CASS4: variants seen among roughly 807,000 people sequenced by gnomAD.
The protein encoded by CASS4 is cas scaffolding protein family member 4.
A neutral mutation model predicts 54.2 loss-of-function variants in CASS4; 22 were observed. The observed-to-expected ratio is 0.41, with a 90% CI of 0.29 to 0.58. The LOEUF (loss-of-function observed/expected upper bound fraction) is 0.58, where lower values mean the gene tolerates loss of function less well. Ranked by LOEUF, CASS4 falls within the 20% of genes least tolerant of loss-of-function variation. The pLI is 0.36. For synonymous variants in CASS4, 409 were observed against 391.5 expected, an observed-to-expected ratio of 1.04 and a Z score of -0.53; for missense variants, 854 against 986.7, an observed-to-expected ratio of 0.87 and a Z score of 1.80.
intron 2 of CASS4, among the ~76,000 whole-genome samples, chr20:56,440,339 G>A (rs1441333831): frequency 6.6e-6 from 1 of 152,178 alleles, no homozygotes; most frequent in Non-Finnish European, 1.5e-5. Flanking sequence ...ATTAACTGAA[G>A]TTAACTTGAA....
At chr20:56,440,616 A>G (rs1012969014) in intron 2 of CASS4, among the ~76,000 whole-genome samples, 2 of 152,202 alleles carry the variant, frequency 1.3e-5, no homozygotes, top group African/African-American at 2.4e-5. Context: ...AACACAACAC[A>G]AGGTTTCAAA....
At chr20:56,458,014 CAAAA>C (rs11355939) in intron 5 of CASS4, among the ~76,000 whole-genome samples, 1 of 76,530 alleles carries the variant, frequency 1.3e-5, no homozygotes, top group African/African-American at 5.7e-5. Context: ...AACTCTGTCT[CAAAA>C]AAAAAAAAAA....
At chr20:56,442,073 C>T (rs1252430988) in intron 2 of CASS4, among the ~76,000 whole-genome samples, 1 of 149,070 alleles carries the variant, frequency 6.7e-6, no homozygotes, top group Non-Finnish European at 1.5e-5. Context: ...GGGTTTTGAA[C>T]TGTTTTCCCA....
chr20:56,413,166 A>T (rs115434949), intron 1 of CASS4, among the ~76,000 whole-genome samples: 2 of 150,384 alleles, frequency 1.3e-5, no homozygotes, highest in African/African-American at 2.5e-5. Context: ...GCGAGACCCC[A>T]TCTTAAAAAA....
chr20:56,424,291 TTAATC>T (rs1401742563), intron 1 of CASS4, among the ~76,000 whole-genome samples: 1 of 152,220 alleles, frequency 6.6e-6, no homozygotes, highest in African/African-American at 2.4e-5. Flanking sequence ...AAGAGATAGT[TTAATC>T]TACCTGCAAA....
rs1600759647 is a variant in CASS4 at position 56,437,113 on chromosome 20, C to A, written c.37-51C>A. 1 of 1,454,366 alleles carries A rather than the reference C, an allele frequency of 6.9e-7. No homozygotes were observed. The highest frequency in any genetic ancestry group is 1.4e-5 in the South Asian group (1 of 73,240). 90.1% of individuals were successfully genotyped at this position (1,454,366 alleles called of 1,614,324 possible). A position where few individuals can be genotyped will look rare whatever the true frequency, so the allele number is the denominator to read the frequency against. ...AAGAGAGTGGGATTGGAGTAGCAGT[C>A]ACTGGCCACGGTGCTAACTGCAAAT... On this transcript the variant is annotated intron_variant, in intron 1 of 5. Coordinates refer to ENST00000679887, the MANE Select transcript of CASS4 (RefSeq NM_020356.4). This position sits in a 1 kb window ranked among gnomAD's most constrained non-coding sequence, Gnocchi z 4.7.
At position 56,452,715 on chromosome 20, in the gene CASS4, G is replaced by C; in HGVS notation, c.1539G>C (p.Gln513His). 1 of 1,614,138 alleles carries C rather than the reference G, an allele frequency of 6.2e-7. No individual in the cohort carries two copies. The highest frequency in any genetic ancestry group is 8.5e-7 in the Non-Finnish European group (1 of 1,180,018). ...TACNLTDSNLQNRIRDQMQTI... is the reference protein window; with the variant it reads ...TACNLTDSNLHNRIRDQMQTI... ...GTAACCTCACTGACAGTAACCTTCAGAACAGAATTCGGGACCAGATGCAGA... is the reference window on the plus strand; with the variant it reads ...GTAACCTCACTGACAGTAACCTTCACAACAGAATTCGGGACCAGATGCAGA... Residue 513 changes from glutamine to histidine, a missense_variant, in exon 5 of 6, where the codon CAG (glutamine) becomes CAC (histidine). Physicochemically the swap from Gln to His is conservative, Grantham distance 24. Coordinates refer to ENST00000679887, the MANE Select transcript of CASS4 (RefSeq NM_020356.4).
In CASS4 at chr20:56,458,674, C is replaced by A; in HGVS notation, c.2288C>A (p.Ala763Glu). 1 of 1,612,862 alleles carries A rather than the reference C, an allele frequency of 6.2e-7. No individual in the cohort carries two copies. Among genetic ancestry groups the A allele is most frequent in the African/African-American group, 1.3e-5 (1 of 75,038 alleles). ...NAVLTYPSPA[A>E]LGHLQAEAEK... ...GTGCTCACGTACCCCAGCCCTGCCG[C>A]GCTGGGGCACCTCCAGGCGGAGGCT... Residue 763 changes from alanine (A) to glutamate (E), a missense_variant, in exon 6 of 6, where the codon GCG becomes GAG. Coordinates refer to ENST00000679887, the MANE Select transcript of CASS4 (RefSeq NM_020356.4).
intron 2 of CASS4, among the ~76,000 whole-genome samples, chr20:56,443,346 G>A (rs1980549957): frequency 6.6e-6 from 1 of 151,394 alleles, no homozygotes; most frequent in South Asian, 2.1e-4. Flanking sequence ...GCGGGCACCT[G>A]TAATCCCAGC....
chr20:56,449,994 G>T (rs946930126), intron 3 of CASS4, among the ~76,000 whole-genome samples: 2 of 149,694 alleles, frequency 1.3e-5, no homozygotes, highest in Non-Finnish European at 1.5e-5. Context: ...TGCAGTTAAG[G>T]CTCTCTTGTT....
intron 1 of CASS4, among the ~76,000 whole-genome samples, chr20:56,436,446 A>G (rs1027398828): frequency 3.3e-5 from 5 of 150,524 alleles, no homozygotes; most frequent in Admixed American, 6.7e-5. Context: ...GTGTGTGTGT[A>G]TATATACATA....
intron 1 of CASS4, among the ~76,000 whole-genome samples, chr20:56,413,516 TACA>T (rs1363773639): frequency 6.6e-6 from 1 of 151,584 alleles, no homozygotes; most frequent in African/African-American, 2.4e-5. Context: ...CTACCAAAAA[TACA>T]ACAATTAGCT....
intron 5 of CASS4, among the ~76,000 whole-genome samples, chr20:56,456,089 G>GC (rs11483285): frequency 0.63 from 94,722 of 151,184 alleles, 30,387 homozygotes; most frequent in East Asian, 0.94. Context: ...CACTTGGAAA[G>GC]CCCCCGCTTT....
chr20:56,427,192 A>C (rs1051606356), intron 1 of CASS4, among the ~76,000 whole-genome samples: 1 of 145,254 alleles, frequency 6.9e-6, no homozygotes, highest in East Asian at 2.0e-4. Flanking sequence ...AAAAAAAAAA[A>C]CCCTCTGTCA....
chr20:56,441,092 G>C (rs551277986), intron 2 of CASS4, among the ~76,000 whole-genome samples: 8 of 151,014 alleles, frequency 5.3e-5, no homozygotes, highest in East Asian at 2.0e-4. Flanking sequence ...GGGTTCAAGA[G>C]ATTCTCCTGC....
chr20:56,436,738 T>A (rs945512053), intron 1 of CASS4, among the ~76,000 whole-genome samples: 1 of 151,668 alleles, frequency 6.6e-6, no homozygotes, highest in East Asian at 1.9e-4. Context: ...AATACAAAAT[T>A]TAGCCCGGGG....
chr20:56,420,192 G>A (rs544060724), intron 1 of CASS4, among the ~76,000 whole-genome samples: 3 of 152,116 alleles, frequency 2.0e-5, no homozygotes, highest in Admixed American at 6.5e-5. Flanking sequence ...CTTTTCCTTT[G>A]AACAACTGCT....
Position 56,414,903 on chromosome 20 carries a change from T to A in CASS4, c.36+2409T>A, listed in dbSNP as rs1313951094. ...TAAATAGTAGCCAACCCTTACCGAT[T>A]GTCTACATGTGAGGCCCTGTGCTGA... On this transcript the variant is annotated intron_variant, in intron 1 of 5. Coordinates refer to ENST00000679887, the MANE Select transcript of CASS4 (RefSeq NM_020356.4). This position sits in a 1 kb window ranked among gnomAD's most constrained non-coding sequence, Gnocchi z 4.1. Among the ~76,000 whole-genome samples, 2 of 152,182 alleles carry A rather than the reference T, an allele frequency of 1.3e-5. No homozygotes were observed. Among genetic ancestry groups the A allele is most frequent in the African/African-American group, 4.8e-5 (2 of 41,442 alleles).
chr20:56,438,037 C>T (rs1980277984), intron 2 of CASS4, among the ~76,000 whole-genome samples: 1 of 152,088 alleles, frequency 6.6e-6, no homozygotes, highest in Non-Finnish European at 1.5e-5. Context: ...TATCTATATT[C>T]CCAGTACTCT....
Sources: allele counts gnomAD v4.1 joint callset (sites outside exome capture counted in the v4.1 genomes callset), GRCh38; gene constraint gnomAD v4.1.1; non-coding constraint Gnocchi (gnomAD v3.1); transcripts MANE v1.5; gene names NCBI Gene and HGNC (gene_info 2026-07-23, HGNC 2026-07-21).